The following PTPN12 variants were observed in gnomAD, a reference collection of about 807,000 sequenced individuals.
The protein encoded by PTPN12 is tyrosine-protein phosphatase non-receptor type 12.
PTPN12 carries 29 observed loss-of-function variants against 97.6 expected under a neutral mutation model. The observed-to-expected ratio is 0.30, with a 90% CI of 0.22 to 0.41. PTPN12 has a LOEUF of 0.41. Ranked by LOEUF, PTPN12 falls within the 10% of genes least tolerant of loss-of-function variation. The pLI is 1.00. For missense variants in PTPN12, 819 were observed against 926.0 expected, an observed-to-expected ratio of 0.88 and a Z score of 1.50; for synonymous variants, 327 against 300.4, an observed-to-expected ratio of 1.09 and a Z score of -0.91.
At chr7:77,561,320 A>G (rs1393800464) in intron 1 of PTPN12, among the ~76,000 whole-genome samples, 1 of 152,182 alleles carries the variant, frequency 6.6e-6, no homozygotes, top group Non-Finnish European at 1.5e-5. Context: ...CATCTATATG[A>G]AATACTTCAT....
chr7:77,579,369 C>A (rs914301019), intron 2 of PTPN12, among the ~76,000 whole-genome samples: 3 of 152,144 alleles, frequency 2.0e-5, no homozygotes, highest in Non-Finnish European at 4.4e-5. Context: ...ATGTGATCCG[C>A]CCACCTTGGC....
At chr7:77,553,403 A>G (rs925790215) in intron 1 of PTPN12, among the ~76,000 whole-genome samples, 3 of 152,252 alleles carry the variant, frequency 2.0e-5, no homozygotes, top group Non-Finnish European at 4.4e-5. Context: ...GTCTTCAACT[A>G]TAATAGTGGA....
rs1335451818 is a variant in PTPN12, at chr7:77,639,897, C to G, written c.*617C>G. The G allele has an allele frequency of 6.6e-6, 1 of 152,222 alleles. No individual in the cohort carries two copies. The highest frequency in any genetic ancestry group is 2.4e-5 in the African/African-American group (1 of 41,320). The allele number at this position is 152,222 out of a possible 1,614,324, so 9.4% of individuals were successfully genotyped here. On this transcript the variant is annotated 3_prime_UTR_variant, in exon 18 of 18. Transcript: ENST00000248594. ...GTCTAATTGTTCATCCTAATTGTTC[C>G]TGTTTTCATCTAGTCAGAGATTCAG...
chr7:77,582,084 C>CTTTTTTTTTTTTTTT lies in PTPN12; in HGVS notation c.285+595_285+609dup, dbSNP rs11341609. On this transcript the variant is annotated intron_variant, in intron 3 of 17. Transcript: ENST00000248594. ...CCCTTTGATGAAAAGCAGTCAAGTTCTTTTTTTTTTTTTTTTTTTTTTTTT... is the reference window on the plus strand; with the variant it reads ...CCCTTTGATGAAAAGCAGTCAAGTTCTTTTTTTTTTTTTTTTTTTTTTTTTTTTTTTTTTTTTTTT... 3.0e-3 allele frequency among the ~76,000 whole-genome samples: 161 copies of CTTTTTTTTTTTTTTT among 52,876 alleles called. 30 individuals carry two copies. The highest frequency in any genetic ancestry group is 3.7e-3 in the Non-Finnish European group (111 of 30,312). 34.7% of individuals were successfully genotyped at this position (52,876 alleles called of 152,430 possible).
intron 8 of PTPN12, among the ~76,000 whole-genome samples, chr7:77,602,280 T>A (rs1409871596): frequency 6.6e-6 from 1 of 152,182 alleles, no homozygotes; most frequent in Non-Finnish European, 1.5e-5. Context: ...ATTTCTGTCA[T>A]CTGGTCATTC....
chr7:77,564,780 A>T lies in PTPN12; in HGVS notation c.100-6298A>T, dbSNP rs1225240267. On this transcript the variant is annotated intron_variant, in intron 1 of 17. Transcript: ENST00000248594. ...TTTTTTTTTTTTTTTTTTTTTTGAGACGGAATCTCGCCCTTGTGCCAGGCT... is the reference window on the plus strand; with the variant it reads ...TTTTTTTTTTTTTTTTTTTTTTGAGTCGGAATCTCGCCCTTGTGCCAGGCT... Among the ~76,000 whole-genome samples, 5 of 11,220 alleles carry T rather than the reference A, an allele frequency of 4.5e-4. 1 individual carries two copies. Among genetic ancestry groups the T allele is most frequent in the Admixed American group, 2.1e-3 (1 of 484 alleles). The allele number at this position is 11,220 out of a possible 152,430, so 7.4% of individuals were successfully genotyped here. A position where few individuals can be genotyped will look rare whatever the true frequency, so the allele number is the denominator to read the frequency against.
intron 8 of PTPN12, among the ~76,000 whole-genome samples, chr7:77,605,409 G>GGTTTTTTTTT (rs1554321255): frequency 0.048 from 4,568 of 95,428 alleles, 1,010 homozygotes; most frequent in South Asian, 0.057. Flanking sequence ...TTTGTCATGA[G>GGTTTTTTTTT]TTTTTTTTTT....
At chr7:77,548,564 G>C (rs1807329713) in intron 1 of PTPN12, among the ~76,000 whole-genome samples, 1 of 152,220 alleles carries the variant, frequency 6.6e-6, no homozygotes, top group Non-Finnish European at 1.5e-5. Context: ...TTAGACCCAA[G>C]TTAGGAAAGC....
intron 3 of PTPN12, among the ~76,000 whole-genome samples, chr7:77,581,868 T>C (rs1253481622): frequency 1.3e-5 from 2 of 152,144 alleles, no homozygotes; most frequent in Non-Finnish European, 2.9e-5. Context: ...AATGATAATA[T>C]TGCAGTAAAC....
chr7:77,613,914 C>T (rs772931891), intron 11 of PTPN12, among the ~76,000 whole-genome samples: 6 of 151,854 alleles, frequency 4.0e-5, no homozygotes, highest in Non-Finnish European at 5.9e-5. Context: ...TTGTTTGAGA[C>T]GAGGTCTTGC....
intron 11 of PTPN12, 25 bp from the exon 12 acceptor site, chr7:77,618,455 A>G (rs753738275): frequency 2.1e-6 from 3 of 1,432,096 alleles, no homozygotes; most frequent in South Asian, 2.5e-5. Context: ...TCTTAACCTT[A>G]GTGAAGTATT....
intron 1 of PTPN12, among the ~76,000 whole-genome samples, chr7:77,556,918 G>A (rs1370522343): frequency 1.3e-5 from 2 of 152,016 alleles, no homozygotes; most frequent in African/African-American, 4.8e-5. Flanking sequence ...AAACAAAAAT[G>A]TGGGGTCCCC....
intron 17 of PTPN12, 61 bp from the exon 18 acceptor site, chr7:77,639,158 T>A (rs772194628): frequency 7.6e-7 from 1 of 1,316,560 alleles, no homozygotes; most frequent in South Asian, 1.2e-5. Context: ...GTGGACATGG[T>A]TTTTAGTAGT....
intron 5 of PTPN12, among the ~76,000 whole-genome samples, chr7:77,591,723 A>G (rs1787872395): frequency 1.3e-5 from 2 of 152,216 alleles, no homozygotes; most frequent in African/African-American, 4.8e-5. Context: ...AGTACTTGCA[A>G]AATTCTTCTG....
intron 1 of PTPN12, among the ~76,000 whole-genome samples, chr7:77,570,538 A>G (rs1363494165): frequency 6.6e-6 from 1 of 152,250 alleles, no homozygotes; most frequent in East Asian, 1.9e-4. Flanking sequence ...ATTTGTCACT[A>G]ACCCACAAAC....
At chr7:77,602,585 A>C (rs1309563198) in intron 8 of PTPN12, among the ~76,000 whole-genome samples, 5 of 151,740 alleles carry the variant, frequency 3.3e-5, no homozygotes, top group African/African-American at 9.7e-5. Flanking sequence ...ACACTACTGC[A>C]CTCCAGCCTG....
In PTPN12 at chr7:77,610,848, GTTGT is replaced by G. The variant is rs745781361; in HGVS notation, c.840+13_840+16del. The G allele has an allele frequency of 4.6e-5, 74 of 1,599,400 alleles. No individual in the cohort carries two copies. Among genetic ancestry groups the G allele is most frequent in the Admixed American group, 2.0e-4 (11 of 56,392 alleles). ...ATTCTGCAGTACAAACAAAGGTATA[GTTGT>G]TTGTTTCCCTTTATAAACTGCTATT... On this transcript the variant is annotated splice_region_variant and intron_variant, in intron 10 of 17. Coordinates refer to ENST00000248594, the MANE Select transcript of PTPN12 (RefSeq NM_002835.4).
chr7:77,592,888 AAAG>A (rs1201059938), intron 6 of PTPN12, among the ~76,000 whole-genome samples: 1 of 152,190 alleles, frequency 6.6e-6, no homozygotes, highest in Non-Finnish European at 1.5e-5. Flanking sequence ...GCATGGACAA[AAAG>A]AAGGAAAATA....
chr7:77,580,435 A>C (rs1352021994), intron 2 of PTPN12, among the ~76,000 whole-genome samples: 1 of 152,256 alleles, frequency 6.6e-6, no homozygotes, highest in Non-Finnish European at 1.5e-5. Context: ...CAGCATGTAT[A>C]GGATGCTTGC....
Sources: allele counts gnomAD v4.1 joint callset (sites outside exome capture counted in the v4.1 genomes callset), GRCh38; gene constraint gnomAD v4.1.1; transcripts MANE v1.5; gene names NCBI Gene and HGNC (gene_info 2026-07-23, HGNC 2026-07-21).